Variants in BCL2 observed in about 807,000 individuals in gnomAD.
BCL2 encodes the protein BCL2 apoptosis regulator.
In BCL2, 1 loss-of-function variant was observed where a neutral mutation model predicts 14.2. That is an observed-to-expected ratio of 0.07 (90% CI 0.02 to 0.33). BCL2 has a LOEUF of 0.33. Ranked by LOEUF, BCL2 falls within the 10% of genes least tolerant of loss-of-function variation. BCL2 has a pLI of 0.99. For missense variants in BCL2, 247 were observed against 305.9 expected (o/e 0.81, Z 1.44); for synonymous variants, 151 against 137.2 (o/e 1.10, Z -0.70).
intron 2 of BCL2, among the ~76,000 whole-genome samples, chr18:63,306,476 T>C (rs1438545229): frequency 1.3e-5 from 2 of 152,196 alleles, no homozygotes; most frequent in Non-Finnish European, 2.9e-5. Flanking sequence ...CCCACCCACT[T>C]GCACTCTCCA....
At chr18:63,283,335 C>T (rs983069185) in intron 2 of BCL2, among the ~76,000 whole-genome samples, 2 of 152,156 alleles carry the variant, frequency 1.3e-5, no homozygotes, top group Non-Finnish European at 2.9e-5. Context: ...AATGGATTCA[C>T]GTTCTGATTT....
chr18:63,228,315 G>T (rs1295238857), intron 2 of BCL2, among the ~76,000 whole-genome samples: 1 of 152,154 alleles, frequency 6.6e-6, no homozygotes, highest in Non-Finnish European at 1.5e-5. Context: ...CAAACATTCA[G>T]TTTATATAAG....
chr18:63,311,414 C>T (rs879422285), intron 2 of BCL2, among the ~76,000 whole-genome samples: 9 of 152,048 alleles, frequency 5.9e-5, no homozygotes, highest in Non-Finnish European at 1.2e-4. Flanking sequence ...ACTGTCTTTT[C>T]GACAGTTAAA....
intron 2 of BCL2, among the ~76,000 whole-genome samples, chr18:63,169,407 CTTT>C (rs1915168160): frequency 1.2e-5 from 1 of 86,596 alleles, no homozygotes; most frequent in South Asian, 4.0e-4. Context: ...CTTTCTTTTT[CTTT>C]CTCTCTCTCT....
chr18:63,169,350 T>C (rs1490236356), intron 2 of BCL2, among the ~76,000 whole-genome samples: 1 of 60,012 alleles, frequency 1.7e-5, no homozygotes, highest in African/African-American at 8.7e-5. Flanking sequence ...TCTTTCTTTC[T>C]TTCTTTCTTT....
At chr18:63,163,345 G>A (rs1475455292) in intron 2 of BCL2, among the ~76,000 whole-genome samples, 1 of 149,302 alleles carries the variant, frequency 6.7e-6, no homozygotes, top group African/African-American at 2.4e-5. Context: ...CTTCAGTTTT[G>A]TTTTGCTACC....
At position 63,125,647 on chromosome 18, in the gene BCL2, T is replaced by C. The variant is rs889880659; in HGVS notation, c.*2978A>G. On this transcript the variant is annotated 3_prime_UTR_variant, in exon 3 of 3. Coordinates refer to ENST00000333681, the MANE Select transcript of BCL2 (RefSeq NM_000633.3). Reference sequence around the variant, plus strand: ...ATACAAAATAGGGATGGTTCTCTGTTGCCCAACTGCAAAATAATTAGATAT... The same window carrying C: ...ATACAAAATAGGGATGGTTCTCTGTCGCCCAACTGCAAAATAATTAGATAT... 12 of 212,210 alleles carry C rather than the reference T, an allele frequency of 5.7e-5. No individual in the cohort carries two copies. Among genetic ancestry groups the C allele is most frequent in the Non-Finnish European group, 1.1e-4 (12 of 104,796 alleles). The allele number at this position is 212,210 out of a possible 1,614,324, so 13.1% of individuals were successfully genotyped here.
chr18:63,281,722 AAGAAAGAAAGAAAG>A (rs1912322248), intron 2 of BCL2, among the ~76,000 whole-genome samples: 1 of 125,636 alleles, frequency 8.0e-6, no homozygotes, highest in Non-Finnish European at 1.8e-5. Context: ...GAAAGAAAGA[AAGAAAGAAAGAAAG>A]AAAAAGAGAG....
intron 2 of BCL2, among the ~76,000 whole-genome samples, chr18:63,148,658 TA>T (rs147289969): frequency 0.11 from 16,154 of 149,510 alleles, 1,234 homozygotes; most frequent in East Asian, 0.35. Context: ...TGGAATGTAG[TA>T]GGAAAAAAAA....
At chr18:63,269,834 A>G (rs1484226608) in intron 2 of BCL2, among the ~76,000 whole-genome samples, 1 of 152,188 alleles carries the variant, frequency 6.6e-6, no homozygotes, top group Non-Finnish European at 1.5e-5. Context: ...GGTATCTTCC[A>G]ACATTTGCAG....
chr18:63,125,424 C>T lies in BCL2; in HGVS notation c.*3201G>A, dbSNP rs4987859. The T allele has an allele frequency of 0.064, 14,136 of 222,180 alleles. 504 individuals carry two copies. The highest frequency in any genetic ancestry group is 0.11 in the Middle Eastern group (85 of 740). The allele number at this position is 222,180 out of a possible 1,614,324, so 13.8% of individuals were successfully genotyped here. A position where few individuals can be genotyped will look rare whatever the true frequency, so the allele number is the denominator to read the frequency against. On this transcript the variant is annotated 3_prime_UTR_variant, in exon 3 of 3. Coordinates refer to ENST00000333681, the MANE Select transcript of BCL2 (RefSeq NM_000633.3). Reference sequence around the variant, plus strand: ...CCTCTCTTGCGGAGTATTTGTGCAGCGAGGGACTGGGAGGGCCGAGGAGGT... The same window carrying T: ...CCTCTCTTGCGGAGTATTTGTGCAGTGAGGGACTGGGAGGGCCGAGGAGGT...
intron 2 of BCL2, among the ~76,000 whole-genome samples, chr18:63,154,896 T>C (rs1455288145): frequency 6.6e-6 from 1 of 152,116 alleles, no homozygotes; most frequent in Non-Finnish European, 1.5e-5. Context: ...TTTAAACAGG[T>C]CCATAAAGAT....
At chr18:63,275,516 C>T (rs578102728) in intron 2 of BCL2, among the ~76,000 whole-genome samples, 9 of 152,270 alleles carry the variant, frequency 5.9e-5, no homozygotes, top group African/African-American at 1.7e-4. Flanking sequence ...ACTACACAGC[C>T]GTGACCCTTT....
At chr18:63,169,309 TTCCTTCCTTCC>T (rs1327842230) in intron 2 of BCL2, among the ~76,000 whole-genome samples, 878 of 50,078 alleles carry the variant, frequency 0.018, 75 homozygotes, top group African/African-American at 0.04. Context: ...TCTTTCTTTC[TTCCTTCCTTCC>T]TTCTTTCCTT....
chr18:63,238,060 C>G (rs1339663424), intron 2 of BCL2, among the ~76,000 whole-genome samples: 2 of 151,932 alleles, frequency 1.3e-5, no homozygotes, highest in African/African-American at 2.4e-5. Context: ...CAATCACTTT[C>G]TTATTCGGTT....
chr18:63,212,953 A>C (rs988270069), intron 2 of BCL2, among the ~76,000 whole-genome samples: 1 of 152,238 alleles, frequency 6.6e-6, no homozygotes, highest in Admixed American at 6.5e-5. Context: ...GGAATGTGAG[A>C]GAGGAAAAAC....
chr18:63,167,746 T>C (rs926050647), intron 2 of BCL2, among the ~76,000 whole-genome samples: 1 of 152,034 alleles, frequency 6.6e-6, no homozygotes, highest in Admixed American at 6.6e-5. Flanking sequence ...GCCAACATGG[T>C]GAAACCCTGT....
chr18:63,281,292 G>C (rs1912300919), intron 2 of BCL2, among the ~76,000 whole-genome samples: 1 of 152,096 alleles, frequency 6.6e-6, no homozygotes. Flanking sequence ...ATGCCACTAA[G>C]CTGTACACTG....
chr18:63,204,844 T>C (rs1226850888), intron 2 of BCL2, among the ~76,000 whole-genome samples: 5 of 152,064 alleles, frequency 3.3e-5, no homozygotes, highest in African/African-American at 9.7e-5. Flanking sequence ...CAAGATATAC[T>C]GTTAAATTAA....
Sources: allele counts gnomAD v4.1 joint callset (sites outside exome capture counted in the v4.1 genomes callset), GRCh38; gene constraint gnomAD v4.1.1; transcripts MANE v1.5; gene names NCBI Gene and HGNC (gene_info 2026-07-23, HGNC 2026-07-21).